Variants in LHFPL3 observed in about 807,000 individuals in gnomAD.
LHFPL3 encodes LHFPL tetraspan subfamily member 3 protein.
Under a neutral mutation model 19.3 loss-of-function variants are expected in LHFPL3, and 5 were observed. The ratio of observed to expected loss-of-function variants is 0.26; its 90% CI spans 0.14 to 0.54. LHFPL3 has a LOEUF of 0.54. LHFPL3 is among the 20% of genes least tolerant of loss of function. The pLI is 0.94. For missense variants in LHFPL3, 249 were observed against 307.4 expected (o/e 0.81, Z 1.42); for synonymous variants, 133 against 126.2 (o/e 1.05, Z -0.36).
At chr7:104,554,668 TAGATAGATAGATAGATAGATAGAC>T (rs1305270425) in intron 1 of LHFPL3, among the ~76,000 whole-genome samples, 6 of 150,494 alleles carry the variant, frequency 4.0e-5, no homozygotes, top group African/African-American at 1.5e-4. Context: ...GATAGATAGA[TAGATAGATAGATAGATAGATAGAC>T]AGACAGATGA....
chr7:104,632,805 C>A (rs1348766406), intron 1 of LHFPL3, among the ~76,000 whole-genome samples: 4 of 152,174 alleles, frequency 2.6e-5, no homozygotes, highest in Non-Finnish European at 5.9e-5. Flanking sequence ...CAGCACCACA[C>A]CCAAAAATAC....
At chr7:104,396,007 T>C (rs1791176495) in intron 1 of LHFPL3, among the ~76,000 whole-genome samples, 3 of 152,034 alleles carry the variant, frequency 2.0e-5, no homozygotes, top group Admixed American at 6.6e-5. Flanking sequence ...AAAAGGCAGG[T>C]GGGACTGAGG....
intron 1 of LHFPL3, among the ~76,000 whole-genome samples, chr7:104,735,526 A>G (rs370086662): frequency 6.6e-6 from 1 of 152,230 alleles, no homozygotes; most frequent in Non-Finnish European, 1.5e-5. Context: ...CAGTTGCGGG[A>G]TCTGATCTGC....
intron 1 of LHFPL3, among the ~76,000 whole-genome samples, chr7:104,689,222 A>C (rs1488443144): frequency 3.3e-5 from 5 of 152,166 alleles, no homozygotes; most frequent in Admixed American, 6.5e-5. Flanking sequence ...CATGGGAATA[A>C]TTGGATCCCA....
chr7:104,581,321 A>G (rs374829160), intron 1 of LHFPL3, among the ~76,000 whole-genome samples: 8 of 152,128 alleles, frequency 5.3e-5, no homozygotes, highest in African/African-American at 1.9e-4. Context: ...TCAGAGATCT[A>G]TTTTTGTGAA....
chr7:104,695,132 T>TA (rs1467418403), intron 1 of LHFPL3, among the ~76,000 whole-genome samples: 2 of 113,164 alleles, frequency 1.8e-5, no homozygotes, highest in African/African-American at 3.2e-5. Context: ...AATTTTTTTT[T>TA]TAAGACAGGT....
intron 1 of LHFPL3, among the ~76,000 whole-genome samples, chr7:104,640,229 G>A (rs1791806519): frequency 6.6e-6 from 1 of 152,118 alleles, no homozygotes; most frequent in South Asian, 2.1e-4. Context: ...TAGGTTTTAA[G>A]CTCTGCATGC....
intron 1 of LHFPL3, among the ~76,000 whole-genome samples, chr7:104,679,016 A>C (rs1792644677): frequency 6.6e-6 from 1 of 152,232 alleles, no homozygotes; most frequent in Non-Finnish European, 1.5e-5. Context: ...TTGTTACGTG[A>C]CAAATTAATC....
chr7:104,504,415 T>A (rs1008793999), intron 1 of LHFPL3, among the ~76,000 whole-genome samples: 2 of 152,256 alleles, frequency 1.3e-5, no homozygotes, highest in African/African-American at 4.8e-5. Context: ...CTGTTAGATT[T>A]TCATCCTAAA....
chr7:104,642,034 CTTTTTT>C (rs10583452), intron 1 of LHFPL3, among the ~76,000 whole-genome samples: 7 of 111,920 alleles, frequency 6.3e-5, no homozygotes, highest in Non-Finnish European at 7.1e-5. Flanking sequence ...TATGTTATTA[CTTTTTT>C]TTTTTTTTTT....
intron 2 of LHFPL3, among the ~76,000 whole-genome samples, chr7:104,797,677 G>T (rs1474649615): frequency 6.6e-6 from 1 of 151,724 alleles, no homozygotes; most frequent in Non-Finnish European, 1.5e-5. Flanking sequence ...ACTTTGGGAG[G>T]CTGAGGCAGG....
At chr7:104,403,747 C>G (rs931066470) in intron 1 of LHFPL3, among the ~76,000 whole-genome samples, 1 of 152,046 alleles carries the variant, frequency 6.6e-6, no homozygotes. Context: ...CTCTCTCTCT[C>G]TCTCTCTCTC....
intron 1 of LHFPL3, among the ~76,000 whole-genome samples, chr7:104,588,503 TG>T (rs1333156817): frequency 6.6e-6 from 1 of 152,236 alleles, no homozygotes; most frequent in Admixed American, 6.5e-5. Context: ...AGTACCATGC[TG>T]TTTTGGTTAC....
At chr7:104,862,865 G>C (rs1337979334) in intron 2 of LHFPL3, among the ~76,000 whole-genome samples, 2 of 152,188 alleles carry the variant, frequency 1.3e-5, no homozygotes, top group Non-Finnish European at 2.9e-5. Flanking sequence ...CCTAGCTGCC[G>C]AGTCGGAGCT....
At chr7:104,672,161 G>C (rs1792498368) in intron 1 of LHFPL3, among the ~76,000 whole-genome samples, 1 of 152,002 alleles carries the variant, frequency 6.6e-6, no homozygotes, top group African/African-American at 2.4e-5. Flanking sequence ...CAACCAGTAA[G>C]ACACAGGATG....
At chr7:104,870,834 A>G (rs909982901) in intron 2 of LHFPL3, among the ~76,000 whole-genome samples, 12 of 152,184 alleles carry the variant, frequency 7.9e-5, no homozygotes, top group African/African-American at 2.9e-4. Context: ...AAAATCTGCC[A>G]GAGTAAAGGA....
chr7:104,653,908 C>T (rs913813780), intron 1 of LHFPL3, among the ~76,000 whole-genome samples: 3 of 152,186 alleles, frequency 2.0e-5, no homozygotes, highest in African/African-American at 7.2e-5. Flanking sequence ...CCAGCAGCCT[C>T]CACGCAGAAC....
chr7:104,437,227 G>A (rs545450354), intron 1 of LHFPL3, among the ~76,000 whole-genome samples: 1 of 152,226 alleles, frequency 6.6e-6, no homozygotes, highest in East Asian at 1.9e-4. Flanking sequence ...TTTATAGTTA[G>A]CAACAATCTT....
intron 2 of LHFPL3, among the ~76,000 whole-genome samples, chr7:104,824,518 ATTAT>A (rs1222215984): frequency 3.3e-5 from 2 of 60,026 alleles, no homozygotes; most frequent in African/African-American, 1.3e-4. Flanking sequence ...TTTTATATAT[ATTAT>A]TTTATATATA....
Sources: allele counts gnomAD v4.1 joint callset (sites outside exome capture counted in the v4.1 genomes callset), GRCh38; gene constraint gnomAD v4.1.1; transcripts MANE v1.5; gene names NCBI Gene and HGNC (gene_info 2026-07-23, HGNC 2026-07-21).